The following TLL1 variants were observed in gnomAD, a reference collection of about 807,000 sequenced individuals.
TLL1 encodes tolloid like 1.
In TLL1, 49 loss-of-function variants were observed where a neutral mutation model predicts 128.2. The observed-to-expected ratio is 0.38, with a 90% CI of 0.30 to 0.48. TLL1 has a LOEUF of 0.48. Ranked by LOEUF, TLL1 falls within the 20% of genes least tolerant of loss-of-function variation. The pLI is 0.96. For missense variants in TLL1, 1,123 were observed against 1,242.0 expected, an observed-to-expected ratio of 0.90 and a Z score of 1.44; for synonymous variants, 454 against 418.8, an observed-to-expected ratio of 1.08 and a Z score of -1.03.
chr4:166,000,724 G>GT (rs1229367080), intron 5 of TLL1, among the ~76,000 whole-genome samples: 3 of 150,608 alleles, frequency 2.0e-5, no homozygotes, highest in African/African-American at 4.9e-5. Flanking sequence ...ATTTTTTTTT[G>GT]TTTTTTTCTT....
intron 1 of TLL1, among the ~76,000 whole-genome samples, chr4:165,907,659 C>T (rs1473414160): frequency 6.6e-6 from 1 of 151,824 alleles, no homozygotes; most frequent in Non-Finnish European, 1.5e-5. Flanking sequence ...AACGATTCTC[C>T]TGTCTCAGCC....
rs148811023 is a variant in TLL1 at position 165,938,165 on chromosome 4, G to A, written c.170-51216G>A. ...TAGTGTTTGTTTGGTTCCCTTCAGGGCCTAGATAATAGAGTGGATGTGTTT... is the reference window on the plus strand; with the variant it reads ...TAGTGTTTGTTTGGTTCCCTTCAGGACCTAGATAATAGAGTGGATGTGTTT... On this transcript the variant is annotated intron_variant, in intron 1 of 20. Coordinates refer to ENST00000061240, the MANE Select transcript of TLL1 (RefSeq NM_012464.5). 4.1e-3 allele frequency among the ~76,000 whole-genome samples: 620 copies of A among 152,080 alleles called. 4 individuals are homozygous for A. The highest frequency in any genetic ancestry group is 0.014 in the African/African-American group (562 of 41,502).
Position 165,963,054 on chromosome 4 carries a change from C to CAAAAAAAAA in TLL1, c.170-26309_170-26301dup, listed in dbSNP as rs869191830. 2.8e-3 allele frequency among the ~76,000 whole-genome samples: 51 copies of CAAAAAAAAA among 18,328 alleles called. 5 individuals are homozygous for CAAAAAAAAA. Among genetic ancestry groups the CAAAAAAAAA allele is most frequent in the African/African-American group, 6.3e-3 (44 of 6,994 alleles). The allele number at this position is 18,328 out of a possible 152,430, so 12.0% of individuals were successfully genotyped here. A position where few individuals can be genotyped will look rare whatever the true frequency, so the allele number is the denominator to read the frequency against. ...TGGGTGACAGAGCGAGGCTCTGTCT[C>CAAAAAAAAA]AAAAAAAAAAAAAAAAAAAAAAAAA... On this transcript the variant is annotated intron_variant, in intron 1 of 20. Coordinates refer to ENST00000061240, the MANE Select transcript of TLL1 (RefSeq NM_012464.5).
In TLL1 at chr4:166,103,664, A is replaced by G. The variant is rs1394564086; in HGVS notation, c.*2788A>G. On this transcript the variant is annotated 3_prime_UTR_variant, in exon 21 of 21. Transcript: ENST00000061240. ...CATATTATTTTTATATTAATTCAAC[A>G]TTTGCCTTAAGTGTGTTGTTAAATG... The G allele has an allele frequency of 1.3e-5, 2 of 151,772 alleles. No individual in the cohort carries two copies. Among genetic ancestry groups the G allele is most frequent in the African/African-American group, 2.4e-5 (1 of 41,390 alleles). 9.4% of individuals were successfully genotyped at this position (151,772 alleles called of 1,614,324 possible).
intron 5 of TLL1, among the ~76,000 whole-genome samples, chr4:166,003,085 G>T (rs1214333358): frequency 6.6e-6 from 1 of 152,124 alleles, no homozygotes; most frequent in Non-Finnish European, 1.5e-5. Context: ...CATGATATAA[G>T]TGTCATCACC....
intron 18 of TLL1, among the ~76,000 whole-genome samples, chr4:166,084,369 A>T (rs1179468389): frequency 6.6e-6 from 1 of 151,896 alleles, no homozygotes; most frequent in Non-Finnish European, 1.5e-5. Context: ...CCTTTCCTGT[A>T]CAGAAGCTTT....
intron 19 of TLL1, among the ~76,000 whole-genome samples, chr4:166,091,636 A>G (rs1015509428): frequency 2.0e-5 from 3 of 152,130 alleles, no homozygotes; most frequent in East Asian, 1.9e-4. Context: ...TATACAATGT[A>G]TTTCATATTA....
At chr4:165,974,506 G>A (rs975755299) in intron 1 of TLL1, among the ~76,000 whole-genome samples, 2 of 152,050 alleles carry the variant, frequency 1.3e-5, no homozygotes, top group Admixed American at 6.6e-5. Flanking sequence ...TACCGAGAAG[G>A]TTATCTGGCT....
At chr4:165,935,952 G>C (rs1289721085) in intron 1 of TLL1, among the ~76,000 whole-genome samples, 1 of 151,660 alleles carries the variant, frequency 6.6e-6, no homozygotes, top group African/African-American at 2.4e-5. Context: ...GATGTAATCA[G>C]AGTTGAGTTA....
intron 6 of TLL1, among the ~76,000 whole-genome samples, chr4:166,005,594 A>G (rs1259079822): frequency 6.6e-6 from 1 of 151,944 alleles, no homozygotes; most frequent in African/African-American, 2.4e-5. Context: ...TCTATATAGA[A>G]GACTCTAATG....
intron 1 of TLL1, among the ~76,000 whole-genome samples, chr4:165,975,104 C>G (rs1735814198): frequency 6.6e-6 from 1 of 152,038 alleles, no homozygotes; most frequent in Non-Finnish European, 1.5e-5. Flanking sequence ...CCTTATATAC[C>G]CTTCTAGACC....
chr4:165,935,868 A>G (rs66482872), intron 1 of TLL1, among the ~76,000 whole-genome samples: 18,133 of 152,104 alleles, frequency 0.12, 1,560 homozygotes, highest in African/African-American at 0.23. Context: ...TCTAGGTGTT[A>G]CTGACTTGGA....
chr4:165,917,292 T>C (rs1732825678), intron 1 of TLL1, among the ~76,000 whole-genome samples: 1 of 152,172 alleles, frequency 6.6e-6, no homozygotes, highest in Non-Finnish European at 1.5e-5. Context: ...TCTCCATTAC[T>C]CTTGTACTGT....
At chr4:165,970,508 G>A (rs1043092781) in intron 1 of TLL1, among the ~76,000 whole-genome samples, 3 of 152,268 alleles carry the variant, frequency 2.0e-5, no homozygotes, top group African/African-American at 4.8e-5. Context: ...AAGTGGAGGA[G>A]GAGGTTGGGT....
chr4:165,933,253 T>C (rs1375126808), intron 1 of TLL1, among the ~76,000 whole-genome samples: 3 of 152,292 alleles, frequency 2.0e-5, no homozygotes, highest in South Asian at 4.1e-4. Context: ...TGAGATGTTA[T>C]CTGGGTACAT....
At chr4:166,004,949 C>CG (rs538455668) in intron 6 of TLL1, among the ~76,000 whole-genome samples, 3,681 of 150,668 alleles carry the variant, frequency 0.024, 133 homozygotes, top group African/African-American at 0.08. Flanking sequence ...TGGGTGGTGG[C>CG]GGGGGGGTGC....
chr4:165,879,199 A>T (rs1730865499), intron 1 of TLL1, among the ~76,000 whole-genome samples: 1 of 152,006 alleles, frequency 6.6e-6, no homozygotes, highest in South Asian at 2.1e-4. Flanking sequence ...TCCTGCCTCA[A>T]GCTCCCAAAG....
At chr4:166,004,949 C>G (rs985498670) in intron 6 of TLL1, among the ~76,000 whole-genome samples, 3 of 150,576 alleles carry the variant, frequency 2.0e-5, no homozygotes, top group Non-Finnish European at 4.4e-5. Context: ...TGGGTGGTGG[C>G]GGGGGGGTGC....
rs1232088830 is a variant in TLL1, at chr4:166,101,846, T to C, written c.*970T>C. ...TCATGGTTAATCTATTTTTTAAAAT[T>C]GAAATGAAGCAGAAGTAGGCCTTGT... On this transcript the variant is annotated 3_prime_UTR_variant, in exon 21 of 21. Coordinates refer to ENST00000061240, the MANE Select transcript of TLL1 (RefSeq NM_012464.5). 6.6e-5 allele frequency: 10 copies of C among 152,474 alleles called. No individual in the cohort carries two copies. The highest frequency in any genetic ancestry group is 2.4e-4 in the African/African-American group (10 of 41,442). The allele number at this position is 152,474 out of a possible 1,614,324, so 9.4% of individuals were successfully genotyped here.
Sources: allele counts gnomAD v4.1 joint callset (sites outside exome capture counted in the v4.1 genomes callset), GRCh38; gene constraint gnomAD v4.1.1; transcripts MANE v1.5; gene names NCBI Gene and HGNC (gene_info 2026-07-23, HGNC 2026-07-21).